ZNF124: variants seen among roughly 807,000 people sequenced by gnomAD.
The protein encoded by ZNF124 is zinc finger protein 124.
In ZNF124, 25 loss-of-function variants were observed where a neutral mutation model predicts 26.6. The ratio of observed to expected loss-of-function variants is 0.94; its 90% CI spans 0.68 to 1.31. The LOEUF (loss-of-function observed/expected upper bound fraction) is 1.31, where lower values mean the gene tolerates loss of function less well. Among genes scored for constraint, ZNF124 ranks in the 40% most tolerant of loss-of-function variants. The pLI is 0.00. For synonymous variants in ZNF124, 129 were observed against 133.3 expected (o/e 0.97, Z 0.22); for missense variants, 444 against 422.2 (o/e 1.05, Z -0.45).
intron 3 of ZNF124, among the ~76,000 whole-genome samples, chr1:247,140,617 G>A (rs543680044): frequency 6.6e-6 from 1 of 152,316 alleles, no homozygotes; most frequent in East Asian, 1.9e-4. Context: ...TAACTGCAGT[G>A]TAGATTGAGT....
upstream of ZNF124, among the ~76,000 whole-genome samples, chr1:247,172,315 A>T (rs1003850362): frequency 3.9e-4 from 59 of 152,248 alleles, 1 homozygote; most frequent in Admixed American, 2.0e-3. Flanking sequence ...TAAAATAGGA[A>T]ACAATATAAT....
Position 247,157,177 on chromosome 1 carries a change from G to GT in ZNF124, c.444dup (p.Pro149ThrfsTer3). The GT allele has an allele frequency of 6.2e-7, 1 of 1,614,038 alleles. No homozygotes were observed. Among genetic ancestry groups the GT allele is most frequent in the Non-Finnish European group, 8.5e-7 (1 of 1,179,908 alleles). ...TTCCCACATTCCATACATTCATAGG[G>GT]TTTCTCTCCAGTGTGATTTCTCTGA... On this transcript the variant is annotated frameshift_variant, in exon 4 of 4. Transcript: ENST00000543802. LOFTEE classifies it high-confidence loss of function.
At chr1:247,122,265 T>C (rs1334129478) in exon 4 of ZNF124, 1 of 152,244 alleles carries the variant, frequency 6.6e-6, no homozygotes, top group East Asian at 1.9e-4. Context: ...TTTATACCTA[T>C]ACACTTAATA....
chr1:247,163,747 G>C (rs773802391), intron 1 of ZNF124, among the ~76,000 whole-genome samples: 1 of 152,108 alleles, frequency 6.6e-6, no homozygotes, highest in Non-Finnish European at 1.5e-5. Context: ...ACTATTCTAA[G>C]AAACTAAAGA....
At chr1:247,127,615 A>G (rs888866279) in intron 3 of ZNF124, among the ~76,000 whole-genome samples, 6 of 146,132 alleles carry the variant, frequency 4.1e-5, no homozygotes, top group African/African-American at 1.5e-4. Flanking sequence ...TGTGTTATCT[A>G]TAGATTCCAG....
intron 2 of ZNF124, 119 bp downstream of exon 2, chr1:247,159,568 C>A: frequency 9.9e-7 from 1 of 1,009,122 alleles, no homozygotes; most frequent in East Asian, 2.5e-5. Context: ...ACACTGGGTC[C>A]ATGCCTCATT....
intron 3 of ZNF124, among the ~76,000 whole-genome samples, chr1:247,141,869 A>G (rs1404391738): frequency 6.6e-6 from 1 of 152,204 alleles, no homozygotes; most frequent in Non-Finnish European, 1.5e-5. Context: ...GAGGCCATTT[A>G]TCAAGACCTA....
intron 2 of ZNF124, among the ~76,000 whole-genome samples, 154 bp downstream of exon 2, chr1:247,159,533 T>C (rs542575404): frequency 1.8e-4 from 27 of 152,294 alleles, no homozygotes; most frequent in East Asian, 7.7e-4. Flanking sequence ...AATTAAAAAA[T>C]AGACTAAGAA....
intron 3 of ZNF124, among the ~76,000 whole-genome samples, chr1:247,146,089 G>T (rs1672770916): frequency 6.6e-6 from 1 of 152,216 alleles, no homozygotes; most frequent in Non-Finnish European, 1.5e-5. Flanking sequence ...CCATTGAGTG[G>T]TGTGACCACC....
chr1:247,125,927 A>G (rs1471764811), intron 3 of ZNF124, among the ~76,000 whole-genome samples: 4 of 152,020 alleles, frequency 2.6e-5, no homozygotes, highest in Admixed American at 6.6e-5. Flanking sequence ...TTCACTGGGG[A>G]AAAAAAGTAA....
At chr1:247,145,820 G>A (rs924983052) in intron 3 of ZNF124, among the ~76,000 whole-genome samples, 2 of 151,988 alleles carry the variant, frequency 1.3e-5, no homozygotes, top group South Asian at 4.2e-4. Context: ...GAAGAGACAG[G>A]GTTTCACCAT....
Position 247,128,643 on chromosome 1 carries a change from G to A in ZNF124, c.219-4772C>T, listed in dbSNP as rs1236981320. ...AGATTTTTTTTTTTCTCTTACCCCC[G>A]TTATCACTCCTTAGAGACAAAATGC... is the stretch of plus-strand genomic sequence containing the variant. On this transcript the variant is annotated intron_variant, in intron 3 of 3. Coordinates refer to the ZNF124 transcript ENST00000472531. Among the ~76,000 whole-genome samples the A allele has an allele frequency of 2.0e-5, 3 of 150,578 alleles. No individual in the cohort carries two copies. The South Asian group carries it at 6.4e-4, about 32-fold the overall frequency.
intron 1 of ZNF124, among the ~76,000 whole-genome samples, chr1:247,162,104 G>C (rs909125006): frequency 2.0e-5 from 3 of 152,120 alleles, no homozygotes; most frequent in Non-Finnish European, 2.9e-5. Flanking sequence ...CCTTATAAGA[G>C]TTCCTAAAGG....
chr1:247,162,631 AAAAGC>A lies in ZNF124; in HGVS notation c.31-2823_31-2819del, dbSNP rs1223904395. Among the ~76,000 whole-genome samples, 1,185 of 146,086 alleles carry A rather than the reference AAAAGC, an allele frequency of 8.1e-3. 19 individuals are homozygous for A. The highest frequency in any genetic ancestry group is 0.03 in the African/African-American group (1,066 of 35,834). ...ATTAACCCTTGGCAAAAAAAAAAAA[AAAAGC>A]AGGGATTACTAGTCAAATTTCAGAT... On this transcript the variant is annotated intron_variant, in intron 1 of 3. Coordinates refer to ENST00000543802, the MANE Select transcript of ZNF124 (RefSeq NM_001297568.2).
chr1:247,144,508 A>C (rs1672710796), intron 3 of ZNF124, among the ~76,000 whole-genome samples: 1 of 152,126 alleles, frequency 6.6e-6, no homozygotes, highest in African/African-American at 2.4e-5. Flanking sequence ...GCCCCTGTCA[A>C]GCTGAATCCT....
chr1:247,131,651 A>G (rs1558371644), intron 3 of ZNF124, among the ~76,000 whole-genome samples: 1 of 152,224 alleles, frequency 6.6e-6, no homozygotes, highest in Admixed American at 6.5e-5. Flanking sequence ...CTACAGCCCA[A>G]TACACCGGCT....
intron 3 of ZNF124, among the ~76,000 whole-genome samples, chr1:247,145,544 G>A (rs1434059586): frequency 6.6e-6 from 1 of 152,010 alleles, no homozygotes; most frequent in African/African-American, 2.4e-5. Flanking sequence ...CTGCAGTGCT[G>A]CCCTCAGCAT....
chr1:247,148,900 G>C (rs1640420605), intron 3 of ZNF124, among the ~76,000 whole-genome samples: 1 of 152,022 alleles, frequency 6.6e-6, no homozygotes, highest in Admixed American at 6.6e-5. Context: ...AACCCAGGAG[G>C]TGGAGCTTGC....
At chr1:247,172,151 C>G (rs1219341760), upstream of ZNF124, 1 of 124,796 alleles carries the variant, frequency 8.0e-6, no homozygotes, top group East Asian at 2.3e-4. Flanking sequence ...AGCTCCCGCG[C>G]GTGTCTGAAT....
Sources: allele counts gnomAD v4.1 joint callset (sites outside exome capture counted in the v4.1 genomes callset), GRCh38; gene constraint gnomAD v4.1.1; transcripts MANE v1.5; gene names NCBI Gene and HGNC (gene_info 2026-07-23, HGNC 2026-07-21).